TENM1: variants seen among roughly 807,000 people sequenced by gnomAD.
The protein encoded by TENM1 is teneurin-1.
Under a neutral mutation model 174.8 loss-of-function variants are expected in TENM1, and 35 were observed. That is an observed-to-expected ratio of 0.20 (90% confidence interval 0.15 to 0.27). The LOEUF (loss-of-function observed/expected upper bound fraction) is 0.27. Among genes scored for constraint, TENM1 ranks in the 10% least tolerant of loss-of-function variants. TENM1 has a pLI of 1.00. For missense variants in TENM1, 1,633 were observed against 2,130.1 expected, an observed-to-expected ratio of 0.77 and a Z score of 4.59; for synonymous variants, 781 against 798.7, an observed-to-expected ratio of 0.98 and a Z score of 0.37.
chrX:124,404,808 G>A (rs180909472), intron 27 of TENM1, among the ~76,000 whole-genome samples: 1 of 111,310 alleles, frequency 9.0e-6, no homozygotes, highest in East Asian at 2.8e-4. Flanking sequence ...GACAAAGAAA[G>A]CTCCTATTAG....
At chrX:124,993,510 C>T in the TENM1 span, among the ~76,000 whole-genome samples, 1 of 110,249 alleles carries the variant, frequency 9.1e-6, no homozygotes, top group Non-Finnish European at 1.9e-5. Flanking sequence ...CCTATATGTA[C>T]TGAGCTTTAG....
chrX:124,629,906 A>G (rs2148345787), intron 11 of TENM1, among the ~76,000 whole-genome samples: 1 of 112,303 alleles, frequency 8.9e-6, no homozygotes, highest in South Asian at 3.7e-4. Context: ...TATATTGGAT[A>G]AAAGATCTAA....
chrX:124,386,945 T>C (rs748927169), intron 28 of TENM1, among the ~76,000 whole-genome samples: 4 of 108,769 alleles, frequency 3.7e-5, no homozygotes, highest in Non-Finnish European at 5.7e-5. Context: ...TGGGAGAAAC[T>C]GTCAAGTTGG....
intron 1 of TENM1, among the ~76,000 whole-genome samples, chrX:124,947,604 T>C (rs1346667801): frequency 8.9e-6 from 1 of 112,282 alleles, no homozygotes; most frequent in Non-Finnish European, 1.9e-5. Flanking sequence ...TTCTTTAAAA[T>C]GGGTAAGCAC....
At chrX:124,705,162 G>C (rs757448709) in exon 5 of TENM1, 2 of 1,211,240 alleles carry the variant, frequency 1.7e-6, no homozygotes, top group South Asian at 1.8e-5. Flanking sequence ...GGGAGGGGGC[G>C]AGTACACGGT....
At chrX:124,660,298 C>T (rs755889387) in intron 6 of TENM1, among the ~76,000 whole-genome samples, 276 of 107,545 alleles carry the variant, frequency 2.6e-3, no homozygotes, top group African/African-American at 9.0e-3. Context: ...TGGCGTGAAC[C>T]CGGGAGGCAG....
At chrX:124,894,441 C>A in intron 2 of TENM1, 89 bp from the exon 6 acceptor site, 1 of 646,876 alleles carries the variant, frequency 1.5e-6, no homozygotes. Context: ...TCTAGTGGTG[C>A]TTAAAAAAAA....
chrX:125,172,531 C>T, the TENM1 span, among the ~76,000 whole-genome samples: 2 of 111,117 alleles, frequency 1.8e-5, no homozygotes, highest in African/African-American at 6.5e-5. Flanking sequence ...CTAGGAAAAA[C>T]GTCCTGTTAA....
chrX:124,821,603 C>A (rs5958598), intron 3 of TENM1, among the ~76,000 whole-genome samples: 5,072 of 111,642 alleles, frequency 0.045, 171 homozygotes, highest in African/African-American at 0.11. Context: ...AGAATAAAAC[C>A]GTTCAACCAA....
chrX:124,577,146 T>TA, intron 11 of TENM1, among the ~76,000 whole-genome samples: 1 of 111,736 alleles, frequency 8.9e-6, no homozygotes, highest in Non-Finnish European at 1.9e-5. Context: ...TTTAGAACGC[T>TA]AACTCTAACT....
At chrX:124,812,277 G>A (rs1392109930) in intron 3 of TENM1, among the ~76,000 whole-genome samples, 40 of 110,794 alleles carry the variant, frequency 3.6e-4, no homozygotes, top group Non-Finnish European at 7.6e-5. Context: ...AATTTTGTCT[G>A]TCAATTTGAA....
intron 3 of TENM1, among the ~76,000 whole-genome samples, chrX:124,775,585 G>C (rs1603182440): frequency 8.9e-6 from 1 of 112,221 alleles, no homozygotes; most frequent in Middle Eastern, 4.6e-3. Flanking sequence ...AGATAGGCAA[G>C]GAGAACTTGG....
chrX:124,462,517 C>G (rs954611614), intron 22 of TENM1, among the ~76,000 whole-genome samples: 5 of 109,226 alleles, frequency 4.6e-5, no homozygotes, highest in Non-Finnish European at 9.5e-5. Context: ...CAACCCAAAT[C>G]CTATTCACCT....
intron 3 of TENM1, among the ~76,000 whole-genome samples, chrX:124,868,829 T>C (rs2057054770): frequency 9.0e-6 from 1 of 111,329 alleles, no homozygotes; most frequent in South Asian, 3.7e-4. Flanking sequence ...AAGATTTGAA[T>C]AGACATTTCT....
At position 124,384,858 on chromosome X, in the gene TENM1, C is replaced by T; in HGVS notation, c.6077-4G>A. On this transcript the variant is annotated splice_region_variant and splice_polypyrimidine_tract_variant and intron_variant, in intron 29 of 31. Transcript: ENST00000422452. ...ATCTGGCGTCCAATAAGAGGTCCTG[C>T]AGGAACCAAAACAAAAACAGTAAGA... The T allele has an allele frequency of 8.4e-7, 1 of 1,191,240 alleles. No homozygotes were observed. Among genetic ancestry groups the T allele is most frequent in the South Asian group, 1.9e-5 (1 of 53,657 alleles).
At chrX:125,057,616 T>C in the TENM1 span, among the ~76,000 whole-genome samples, 14 of 111,639 alleles carry the variant, frequency 1.3e-4, no homozygotes, top group African/African-American at 4.2e-4. Flanking sequence ...AAGACCCTTA[T>C]GTGTTATATG....
chrX:125,133,816 GT>G, the TENM1 span, among the ~76,000 whole-genome samples: 1 of 111,771 alleles, frequency 8.9e-6, no homozygotes, highest in South Asian at 3.7e-4. Context: ...ATTGGAAATT[GT>G]TTTTTAAAAA....
intron 23 of TENM1, among the ~76,000 whole-genome samples, chrX:124,444,847 T>C (rs950002171): frequency 2.7e-5 from 3 of 111,104 alleles, no homozygotes; most frequent in Non-Finnish European, 1.9e-5. Context: ...GAAGTGGGAA[T>C]GTGACTTAAG....
intron 3 of TENM1, among the ~76,000 whole-genome samples, 186 bp downstream of exon 6, chrX:124,894,107 CCAA>C (rs1225838434): frequency 9.0e-6 from 1 of 111,723 alleles, no homozygotes; most frequent in Non-Finnish European, 1.9e-5. Flanking sequence ...CTCTTCACCA[CCAA>C]CATTTTCACA....
Sources: allele counts gnomAD v4.1 joint callset (sites outside exome capture counted in the v4.1 genomes callset), GRCh38; gene constraint gnomAD v4.1.1; transcripts MANE v1.5; gene names NCBI Gene and HGNC (gene_info 2026-07-23, HGNC 2026-07-21).